Variants in WDFY2 observed in about 807,000 individuals in gnomAD.
WDFY2 encodes WD repeat and FYVE domain containing 2.
A neutral mutation model predicts 56.4 loss-of-function variants in WDFY2; 36 were observed. That is an observed-to-expected ratio of 0.64 (90% confidence interval 0.49 to 0.84). WDFY2 has a LOEUF of 0.84. Among genes scored for constraint, WDFY2 ranks in the 40% least tolerant of loss-of-function variants. The pLI is 0.00. For missense variants in WDFY2, 444 were observed against 512.2 expected (o/e 0.87, Z 1.29); for synonymous variants, 176 against 183.7 (o/e 0.96, Z 0.34).
chr13:51,644,324 C>G (rs1393734226), intron 1 of WDFY2, among the ~76,000 whole-genome samples: 1 of 152,202 alleles, frequency 6.6e-6, no homozygotes, highest in Admixed American at 6.5e-5. Context: ...TCTCGAGGGT[C>G]TTACTACTGA....
chr13:51,659,738 C>A (rs1029832059), intron 1 of WDFY2, among the ~76,000 whole-genome samples: 1 of 152,206 alleles, frequency 6.6e-6, no homozygotes, highest in Non-Finnish European at 1.5e-5. Flanking sequence ...TGTTCCATAG[C>A]AAGCCTCATG....
chr13:51,750,432 A>G (rs1229380245), intron 7 of WDFY2, among the ~76,000 whole-genome samples: 2 of 152,092 alleles, frequency 1.3e-5, no homozygotes, highest in African/African-American at 4.8e-5. Flanking sequence ...GATCAAGAAT[A>G]AATAGAAACA....
chr13:51,758,288 C>T lies in WDFY2; in HGVS notation c.1161C>T (p.Asp387=), dbSNP rs772642435. 1 of 1,590,932 alleles carries T rather than the reference C, an allele frequency of 6.3e-7. No individual in the cohort carries two copies. The highest frequency in any genetic ancestry group is 8.6e-7 in the Non-Finnish European group (1 of 1,162,266). ...TRGWLLTSGT[D]KVIKLWDMTP... ...GATGGTTACTGACTTCTGGAACTGA[C>T]AAGGTTATTAAGGTAAGATGCCATC... The change falls in exon 11 of 12, where the codon GAC becomes GAT. Residue 387 remains aspartate, a synonymous_variant. Transcript: ENST00000298125.
chr13:51,720,198 A>G (rs1301617892), intron 5 of WDFY2, among the ~76,000 whole-genome samples: 1 of 152,236 alleles, frequency 6.6e-6, no homozygotes, highest in African/African-American at 2.4e-5. Flanking sequence ...TAAAATGCCT[A>G]TTCAGTGATT....
At position 51,699,799 on chromosome 13, in the gene WDFY2, G is replaced by A. The variant is rs565414656; in HGVS notation, c.280-3797G>A. 2.6e-5 allele frequency among the ~76,000 whole-genome samples: 4 copies of A among 152,290 alleles called. No homozygotes were observed. In the South Asian group the frequency reaches 8.3e-4, roughly 32 times the overall value. On this transcript the variant is annotated intron_variant, in intron 3 of 11. Coordinates refer to ENST00000298125, the MANE Select transcript of WDFY2 (RefSeq NM_052950.4). ...AGCGGTGTTTATTAAGACATTAAAT[G>A]TACATAATATTTGAGCCAGCATATC...
rs947951388 is a variant in WDFY2, at chr13:51,630,244, C to G, written c.138-30352C>G. ...AATCATCTTAAACTGAGAAAGCTGT[C>G]CTAAATTTCTTATTTATTCCCATGT... On this transcript the variant is annotated intron_variant, in intron 1 of 11. Coordinates refer to ENST00000298125, the MANE Select transcript of WDFY2 (RefSeq NM_052950.4). 7.1e-4 allele frequency among the ~76,000 whole-genome samples: 108 copies of G among 152,082 alleles called. 4 individuals carry two copies.
chr13:51,585,185 A>T (rs796109276), intron 1 of WDFY2, among the ~76,000 whole-genome samples: 93 of 152,336 alleles, frequency 6.1e-4, no homozygotes, highest in African/African-American at 2.2e-3. Context: ...TTGGGGAACG[A>T]TGCCCTGAGC....
intron 3 of WDFY2, among the ~76,000 whole-genome samples, chr13:51,681,558 G>C (rs1331855375): frequency 6.6e-6 from 1 of 152,060 alleles, no homozygotes; most frequent in Non-Finnish European, 1.5e-5. Flanking sequence ...GCATTTCTGA[G>C]TCATTTTATC....
At chr13:51,635,454 C>T (rs1055554844) in intron 1 of WDFY2, among the ~76,000 whole-genome samples, 17 of 152,154 alleles carry the variant, frequency 1.1e-4, no homozygotes, top group Non-Finnish European at 2.4e-4. Context: ...GCTCTAAATG[C>T]CTATAAGCCA....
At chr13:51,608,142 G>A (rs1018642482) in intron 1 of WDFY2, among the ~76,000 whole-genome samples, 19 of 152,182 alleles carry the variant, frequency 1.2e-4, no homozygotes, top group African/African-American at 4.3e-4. Flanking sequence ...CTTCAGAACT[G>A]TAAGATAATA....
intron 1 of WDFY2, among the ~76,000 whole-genome samples, chr13:51,640,934 A>T (rs1020178275): frequency 2.6e-5 from 4 of 152,138 alleles, no homozygotes; most frequent in Admixed American, 1.3e-4. Flanking sequence ...TTCATAAAGG[A>T]TAAAGAGAAA....
intron 1 of WDFY2, among the ~76,000 whole-genome samples, chr13:51,640,603 C>CTT (rs1955136607): frequency 6.6e-6 from 1 of 152,114 alleles, no homozygotes; most frequent in African/African-American, 2.4e-5. Context: ...AATCTCAGCA[C>CTT]TTTAGGAGGC....
intron 4 of WDFY2, among the ~76,000 whole-genome samples, chr13:51,707,340 G>A (rs1433027069): frequency 6.6e-6 from 1 of 152,074 alleles, no homozygotes; most frequent in Non-Finnish European, 1.5e-5. Context: ...TATGTTTTTT[G>A]TAGAGATGAG....
chr13:51,603,184 C>G (rs1437402149), intron 1 of WDFY2, among the ~76,000 whole-genome samples: 1 of 152,162 alleles, frequency 6.6e-6, no homozygotes, highest in African/African-American at 2.4e-5. Flanking sequence ...TAAGAACCAC[C>G]AGGAATCATT....
At chr13:51,690,644 C>T (rs555118690) in intron 3 of WDFY2, among the ~76,000 whole-genome samples, 53 of 152,020 alleles carry the variant, frequency 3.5e-4, no homozygotes, top group Admixed American at 5.9e-4. Context: ...TGAATAATGC[C>T]GCAATAAACA....
At chr13:51,638,917 T>C (rs1566331112) in intron 1 of WDFY2, among the ~76,000 whole-genome samples, 1 of 152,198 alleles carries the variant, frequency 6.6e-6, no homozygotes, top group Non-Finnish European at 1.5e-5. Flanking sequence ...TTTGATAAAT[T>C]CTTGAAGAAA....
Position 51,675,196 on chromosome 13 carries a change from C to A in WDFY2, c.232C>A (p.Pro78Thr), listed in dbSNP as rs1955866428. 1 of 1,613,714 alleles carries A rather than the reference C, an allele frequency of 6.2e-7. No homozygotes were observed. The highest frequency in any genetic ancestry group is 1.3e-5 in the African/African-American group (1 of 74,856). ...TCCATGTTCATGCATGTCTTTTAAC[C>A]CGGAAACAAGAAGACTGTCCATAGG... Reference protein sequence around the residue: ...PSPCSCMSFNPETRRLSIGLD... With the variant: ...PSPCSCMSFNTETRRLSIGLD... The change falls in exon 3 of 12, where the codon CCG becomes ACG. Residue 78 changes from proline (P) to threonine (T), a missense_variant. Pro to Thr is a conservative substitution (Grantham distance 38). Coordinates refer to ENST00000298125, the MANE Select transcript of WDFY2 (RefSeq NM_052950.4).
At chr13:51,745,973 CTTTTTTTTTTTT>C (rs59572351) in intron 7 of WDFY2, among the ~76,000 whole-genome samples, 3 of 100,760 alleles carry the variant, frequency 3.0e-5, no homozygotes, top group Admixed American at 1.2e-4. Context: ...TTTTCTTTTT[CTTTTTTTTTTTT>C]TTTTTTTTTG....
At chr13:51,683,819 T>C (rs1267416603) in intron 3 of WDFY2, among the ~76,000 whole-genome samples, 1 of 152,140 alleles carries the variant, frequency 6.6e-6, no homozygotes, top group Non-Finnish European at 1.5e-5. Context: ...TATGTCCTAG[T>C]CTCTGGGGTT....
Sources: allele counts gnomAD v4.1 joint callset (sites outside exome capture counted in the v4.1 genomes callset), GRCh38; gene constraint gnomAD v4.1.1; transcripts MANE v1.5; gene names NCBI Gene and HGNC (gene_info 2026-07-23, HGNC 2026-07-21).